The following DIAPH3 variants were observed in gnomAD, a reference collection of about 807,000 sequenced individuals.
DIAPH3 encodes diaphanous related formin 3, also known as protein diaphanous homolog 3.
A neutral mutation model predicts 144.3 loss-of-function variants in DIAPH3; 117 were observed. The observed-to-expected ratio is 0.81, with a 90% CI of 0.70 to 0.95. The LOEUF (loss-of-function observed/expected upper bound fraction) is 0.95, where lower values mean the gene tolerates loss of function less well. Ranked by LOEUF, DIAPH3 falls within the 40% of genes least tolerant of loss-of-function variation. The pLI, the probability that DIAPH3 is intolerant of heterozygous loss-of-function variation, is 0.00. For missense variants in DIAPH3, 1,421 were observed against 1,412.7 expected (o/e 1.01, Z -0.09); for synonymous variants, 519 against 488.9 (o/e 1.06, Z -0.81).
At chr13:60,119,577 C>G (rs1426858880) in intron 2 of DIAPH3, among the ~76,000 whole-genome samples, 1 of 151,088 alleles carries the variant, frequency 6.6e-6, no homozygotes, top group Non-Finnish European at 1.5e-5. Context: ...GAAACCCCGT[C>G]TCTACTAAAA....
intron 20 of DIAPH3, among the ~76,000 whole-genome samples, chr13:59,892,546 A>ATACC (rs2045870642): frequency 4.6e-5 from 7 of 152,122 alleles, no homozygotes; most frequent in Admixed American, 2.0e-4. Context: ...ATAGGTAAGT[A>ATACC]GATATAAAAG....
chr13:59,771,240 A>G (rs1385995119), intron 27 of DIAPH3, among the ~76,000 whole-genome samples: 1 of 152,172 alleles, frequency 6.6e-6, no homozygotes, highest in Non-Finnish European at 1.5e-5. Flanking sequence ...ACACACAGAC[A>G]GCAAAAGATA....
Position 59,811,710 on chromosome 13 carries a change from C to G in DIAPH3, c.3028-787G>C, listed in dbSNP as rs569954441. ...CGAGATCGCACCACTGCACTCCAGC[C>G]TGGGCGACAGAGCAAGACTCTGTCT... On this transcript the variant is annotated intron_variant, in intron 24 of 27. Coordinates refer to ENST00000400324, the MANE Select transcript of DIAPH3 (RefSeq NM_001042517.2). Among the ~76,000 whole-genome samples the G allele has an allele frequency of 3.0e-3, 415 of 138,488 alleles. 2 individuals carry two copies. The highest frequency in any genetic ancestry group is 1.0e-2 in the African/African-American group (364 of 36,430). 90.9% of individuals were successfully genotyped at this position (138,488 alleles called of 152,430 possible).
chr13:60,026,408 A>T (rs887365023), intron 5 of DIAPH3, among the ~76,000 whole-genome samples: 6 of 152,128 alleles, frequency 3.9e-5, no homozygotes, highest in African/African-American at 1.2e-4. Context: ...ACCAAAAAAA[A>T]TTTTTTTAGC....
intron 8 of DIAPH3, among the ~76,000 whole-genome samples, chr13:60,009,989 T>G (rs921274585): frequency 6.6e-6 from 1 of 152,228 alleles, no homozygotes; most frequent in African/African-American, 2.4e-5. Flanking sequence ...TGTAATGGTA[T>G]TTAATTATAC....
At chr13:60,041,339 G>A (rs1250192007) in intron 5 of DIAPH3, among the ~76,000 whole-genome samples, 1 of 152,152 alleles carries the variant, frequency 6.6e-6, no homozygotes, top group African/African-American at 2.4e-5. Context: ...GCTAAACAGC[G>A]TGTCTGGTAA....
intron 4 of DIAPH3, among the ~76,000 whole-genome samples, chr13:60,075,779 G>A (rs900959816): frequency 6.6e-5 from 10 of 152,124 alleles, no homozygotes; most frequent in African/African-American, 2.4e-4. Flanking sequence ...TGGAGACAGT[G>A]GGGAGGAAAG....
intron 2 of DIAPH3, among the ~76,000 whole-genome samples, chr13:60,115,420 T>C (rs550971504): frequency 6.6e-6 from 1 of 152,316 alleles, no homozygotes; most frequent in East Asian, 1.9e-4. Flanking sequence ...ACTGGAGAGA[T>C]TAACTGCTCA....
intron 27 of DIAPH3, among the ~76,000 whole-genome samples, chr13:59,689,080 T>C (rs1056659968): frequency 1.3e-5 from 2 of 152,068 alleles, no homozygotes; most frequent in Non-Finnish European, 2.9e-5. Context: ...GGAGAGATAA[T>C]TGTGAATCTC....
At chr13:60,117,253 G>A (rs1386940429) in intron 2 of DIAPH3, among the ~76,000 whole-genome samples, 3 of 152,074 alleles carry the variant, frequency 2.0e-5, no homozygotes, top group East Asian at 1.9e-4. Flanking sequence ...TAGTATAGAC[G>A]GATGAAGGCA....
intron 27 of DIAPH3, among the ~76,000 whole-genome samples, chr13:59,670,583 C>CTTTTTTTT (rs1229739034): frequency 7.4e-6 from 1 of 134,680 alleles, no homozygotes; most frequent in Admixed American, 7.5e-5. Context: ...TGGAAGTTCA[C>CTTTTTTTT]TTTTTTTTTT....
At chr13:60,088,064 A>C (rs926781035) in intron 4 of DIAPH3, among the ~76,000 whole-genome samples, 6 of 152,154 alleles carry the variant, frequency 3.9e-5, no homozygotes, top group African/African-American at 1.4e-4. Context: ...ACAGCCAAAA[A>C]GTAAGGGGTG....
At position 59,968,007 on chromosome 13, in the gene DIAPH3, C is replaced by A. The variant is rs1056093687; in HGVS notation, c.2074+1937G>T. On this transcript the variant is annotated intron_variant, in intron 17 of 27. Transcript: ENST00000400324. ...GTAAAGAGATTCCAGGCCAAAGGAC[C>A]AGCAGTACAAAGGCAGAGAGAGATG... Among the ~76,000 whole-genome samples the A allele has an allele frequency of 5.9e-5, 9 of 152,284 alleles. 2 individuals are homozygous for A. The South Asian group carries it at 1.9e-3, about 32-fold the overall frequency.
At chr13:60,092,195 A>G (rs2057960036) in intron 4 of DIAPH3, among the ~76,000 whole-genome samples, 1 of 152,010 alleles carries the variant, frequency 6.6e-6, no homozygotes, top group South Asian at 2.1e-4. Context: ...AAGAGGTAAA[A>G]TAAGATTTCC....
At chr13:59,882,920 C>G (rs1256886324) in intron 20 of DIAPH3, among the ~76,000 whole-genome samples, 1 of 152,076 alleles carries the variant, frequency 6.6e-6, no homozygotes, top group African/African-American at 2.4e-5. Flanking sequence ...CTGTAACCCC[C>G]CCACACACAG....
chr13:60,104,595 C>CAT (rs61265383), intron 3 of DIAPH3, among the ~76,000 whole-genome samples: 2 of 150,604 alleles, frequency 1.3e-5, no homozygotes, highest in African/African-American at 4.9e-5. Flanking sequence ...CACACACACA[C>CAT]GATGAGAAAA....
intron 27 of DIAPH3, among the ~76,000 whole-genome samples, chr13:59,691,980 CA>C (rs2033547740): frequency 6.6e-6 from 1 of 151,894 alleles, no homozygotes; most frequent in Non-Finnish European, 1.5e-5. Flanking sequence ...TAAGACAAGT[CA>C]AAAAGGATTT....
intron 3 of DIAPH3, among the ~76,000 whole-genome samples, chr13:60,101,230 G>T (rs969517007): frequency 3.9e-5 from 6 of 152,132 alleles, no homozygotes; most frequent in Admixed American, 1.3e-4. Flanking sequence ...GTTGACCATG[G>T]TTCTTTAACT....
intron 1 of DIAPH3, among the ~76,000 whole-genome samples, chr13:60,136,438 T>C (rs1194550033): frequency 1.3e-5 from 1 of 79,216 alleles, no homozygotes; most frequent in African/African-American, 5.0e-5. Flanking sequence ...TTAAAAATAA[T>C]AACCTGATAG....
Sources: gnomAD v4.1 joint callset for allele counts (sites outside exome capture counted in the v4.1 genomes callset) on GRCh38, gnomAD v4.1.1 for gene constraint, MANE v1.5 for transcripts, NCBI Gene and HGNC (gene_info 2026-07-23, HGNC 2026-07-21) for gene names.